Variants in PDE1C observed in about 807,000 individuals in gnomAD.
PDE1C encodes dual specificity calcium/calmodulin-dependent 3',5'-cyclic nucleotide phosphodiesterase 1C.
PDE1C carries 62 observed loss-of-function variants against 93.1 expected under a neutral mutation model. The observed-to-expected ratio is 0.67, with a 90% CI of 0.54 to 0.82. The LOEUF (loss-of-function observed/expected upper bound fraction) is 0.82. PDE1C is among the 40% of genes least tolerant of loss of function. The pLI is 0.00. For missense variants in PDE1C, 742 were observed against 884.6 expected (o/e 0.84, Z 2.04); for synonymous variants, 325 against 310.1 (o/e 1.05, Z -0.50).
chr7:32,248,940 A>C (rs1183861100), intron 1 of PDE1C, among the ~76,000 whole-genome samples: 1 of 152,132 alleles, frequency 6.6e-6, no homozygotes, highest in East Asian at 1.9e-4. Flanking sequence ...TATGGCAAGG[A>C]AGAGAAGTGT....
chr7:31,631,793 A>T, the PDE1C span, among the ~76,000 whole-genome samples: 2 of 152,262 alleles, frequency 1.3e-5, no homozygotes, highest in African/African-American at 4.8e-5. Context: ...TTCATAGGAT[A>T]GAGACTCTTC....
the PDE1C span, among the ~76,000 whole-genome samples, chr7:31,635,847 T>G: frequency 1.3e-5 from 2 of 152,260 alleles, no homozygotes; most frequent in South Asian, 4.1e-4. Flanking sequence ...CCTAGGTGAT[T>G]GGCCGATAGG....
the PDE1C span, among the ~76,000 whole-genome samples, chr7:31,702,148 T>C: frequency 2.0e-5 from 3 of 152,176 alleles, no homozygotes; most frequent in South Asian, 6.2e-4. Context: ...TATGCTATGA[T>C]ATGGGAAATT....
intron 15 of PDE1C, among the ~76,000 whole-genome samples, chr7:31,812,300 G>C (rs959856567): frequency 1.2e-4 from 18 of 152,082 alleles, no homozygotes; most frequent in Non-Finnish European, 1.6e-4. Context: ...TTTCTTTCAG[G>C]CTTTCCCCTT....
chr7:32,244,843 C>G (rs1336254263), intron 1 of PDE1C, among the ~76,000 whole-genome samples: 1 of 152,212 alleles, frequency 6.6e-6, no homozygotes, highest in African/African-American at 2.4e-5. Flanking sequence ...AGATGGGGCT[C>G]AGAGGGTGTC....
At chr7:31,681,788 C>T in the PDE1C span, among the ~76,000 whole-genome samples, 1 of 152,278 alleles carries the variant, frequency 6.6e-6, no homozygotes, top group South Asian at 2.1e-4. Context: ...AAATTGGCTG[C>T]TTTATTTGAT....
chr7:32,168,934 C>T (rs1018518290), intron 3 of PDE1C, among the ~76,000 whole-genome samples: 5 of 151,912 alleles, frequency 3.3e-5, no homozygotes, highest in South Asian at 2.1e-4. Flanking sequence ...GAGAGAAAAA[C>T]GAGGTTTATA....
At chr7:32,121,450 G>T (rs751699739) in intron 3 of PDE1C, among the ~76,000 whole-genome samples, 4 of 151,880 alleles carry the variant, frequency 2.6e-5, no homozygotes, top group Admixed American at 1.3e-4. Flanking sequence ...AGGTTGAAAT[G>T]AAGGAAAAAA....
chr7:32,237,727 C>T (rs1454602264), intron 1 of PDE1C, among the ~76,000 whole-genome samples: 6 of 133,716 alleles, frequency 4.5e-5, no homozygotes, highest in African/African-American at 8.7e-5. Flanking sequence ...AGCCACTATC[C>T]GCACTTGGCT....
chr7:31,979,194 AAAG>A (rs1812060441), intron 2 of PDE1C, among the ~76,000 whole-genome samples: 1 of 152,194 alleles, frequency 6.6e-6, no homozygotes, highest in African/African-American at 2.4e-5. Context: ...GTATGGAAAT[AAAG>A]AAGTATATGA....
rs183128436 is a variant in PDE1C at position 31,929,927 on chromosome 7, G to A, written c.129-49067C>T. Among the ~76,000 whole-genome samples, 3 of 152,214 alleles carry A rather than the reference G, an allele frequency of 2.0e-5. No homozygotes were observed. In the East Asian group the frequency reaches 5.8e-4, roughly 29 times the overall value. ...GACAAAAATAACTAAGATCAGAGCA[G>A]AACTGAAGGAGACACAGACATGAAA... is the stretch of plus-strand genomic sequence containing the variant. On this transcript the variant is annotated intron_variant, in intron 2 of 17. Transcript: ENST00000396191.
intron 1 of PDE1C, among the ~76,000 whole-genome samples, chr7:32,274,207 T>A (rs905499970): frequency 3.3e-5 from 5 of 151,080 alleles, no homozygotes; most frequent in African/African-American, 4.9e-5. Context: ...GATAGTTTTT[T>A]AATTTTTTTT....
At chr7:31,633,993 A>C in the PDE1C span, among the ~76,000 whole-genome samples, 6 of 152,158 alleles carry the variant, frequency 3.9e-5, no homozygotes, top group South Asian at 2.1e-4. Flanking sequence ...TTATTACCAG[A>C]CCAGCCCAGC....
At chr7:31,964,408 G>A (rs1809555773) in intron 2 of PDE1C, among the ~76,000 whole-genome samples, 1 of 152,236 alleles carries the variant, frequency 6.6e-6, no homozygotes, top group African/African-American at 2.4e-5. Flanking sequence ...GAGGCTGGGG[G>A]AGGGGCGCCT....
the PDE1C span, among the ~76,000 whole-genome samples, chr7:31,692,008 T>C: frequency 3.3e-5 from 5 of 152,146 alleles, no homozygotes; most frequent in Admixed American, 6.5e-5. Context: ...ATCTGTGAAG[T>C]AGACATAATC....
At chr7:32,277,759 C>A (rs1811373716) in intron 1 of PDE1C, among the ~76,000 whole-genome samples, 1 of 152,176 alleles carries the variant, frequency 6.6e-6, no homozygotes, top group Admixed American at 6.5e-5. Flanking sequence ...CCACCTCTTC[C>A]AAATCTAAGC....
chr7:31,695,919 G>C, the PDE1C span: 3 of 211,198 alleles, frequency 1.4e-5, no homozygotes, highest in Middle Eastern at 1.8e-3. Flanking sequence ...CATGTGTTTT[G>C]ACATCATAAA....
At chr7:32,376,448 G>C (rs1375118615) in intron 1 of PDE1C, among the ~76,000 whole-genome samples, 1 of 152,148 alleles carries the variant, frequency 6.6e-6, no homozygotes, top group Non-Finnish European at 1.5e-5. Context: ...CCACCCACTG[G>C]GATTGCTGGC....
intron 1 of PDE1C, among the ~76,000 whole-genome samples, chr7:32,387,414 C>A (rs1784650744): frequency 6.6e-6 from 1 of 151,734 alleles, no homozygotes; most frequent in South Asian, 2.1e-4. Flanking sequence ...GGGGTCCTGG[C>A]CGGGCAGAGG....
Sources: allele counts gnomAD v4.1 joint callset (sites outside exome capture counted in the v4.1 genomes callset), GRCh38; gene constraint gnomAD v4.1.1; transcripts MANE v1.5; gene names NCBI Gene and HGNC (gene_info 2026-07-23, HGNC 2026-07-21).